Variants in KIF26B observed in about 807,000 individuals in gnomAD.
The protein encoded by KIF26B is kinesin family member 26B.
A neutral mutation model predicts 151.2 loss-of-function variants in KIF26B; 63 were observed. That is an observed-to-expected ratio of 0.42 (90% confidence interval 0.34 to 0.51). KIF26B has a LOEUF of 0.51. Ranked by LOEUF, KIF26B falls within the 20% of genes least tolerant of loss-of-function variation. KIF26B has a pLI of 0.07. For missense variants in KIF26B, 2,813 were observed against 2,913.6 expected, an observed-to-expected ratio of 0.97 and a Z score of 0.79; for synonymous variants, 1,357 against 1,262.1, an observed-to-expected ratio of 1.08 and a Z score of -1.59.
chr1:245,155,656 C>T (rs1463173467), intron 1 of KIF26B, among the ~76,000 whole-genome samples, 169 bp downstream of exon 1: 1 of 152,176 alleles, frequency 6.6e-6, no homozygotes, highest in East Asian at 1.9e-4. Context: ...CGCGGGGACG[C>T]CCGCACGCTC....
intron 2 of KIF26B, among the ~76,000 whole-genome samples, chr1:245,275,231 C>T (rs1057320480): frequency 6.6e-6 from 1 of 151,636 alleles, no homozygotes; most frequent in Non-Finnish European, 1.5e-5. Context: ...GGATATTAGT[C>T]CTTTGTCAGA....
intron 4 of KIF26B, among the ~76,000 whole-genome samples, chr1:245,484,507 T>C (rs12404741): frequency 0.068 from 10,381 of 151,814 alleles, 586 homozygotes; most frequent in Admixed American, 0.14. Flanking sequence ...ACTCCACTCG[T>C]CCATGTAGTT....
In KIF26B at chr1:245,360,658, CAA is replaced by C. The variant is rs530730993; in HGVS notation, c.466-6173_466-6172del. On this transcript the variant is annotated intron_variant, in intron 2 of 14. Coordinates refer to ENST00000407071, the MANE Select transcript of KIF26B (RefSeq NM_018012.4). Reference sequence around the variant, plus strand: ...GACTTGAACCTCCCATACCCTTAACCAAAAGTTTTCAAAATAGTCAACACTGT... The same window carrying C: ...GACTTGAACCTCCCATACCCTTAACCAAGTTTTCAAAATAGTCAACACTGT... Among the ~76,000 whole-genome samples, 449 of 152,218 alleles carry C rather than the reference CAA, an allele frequency of 2.9e-3. 1 individual carries two copies. The highest frequency in any genetic ancestry group is 9.9e-3 in the African/African-American group (412 of 41,536).
chr1:245,238,056 G>A lies in KIF26B; in HGVS notation c.465+81373G>A, dbSNP rs112325830. On this transcript the variant is annotated intron_variant, in intron 2 of 14. Coordinates refer to ENST00000407071, the MANE Select transcript of KIF26B (RefSeq NM_018012.4). ...AAAAAAAAAAGTTGTTATTTGGCCA[G>A]GCATGCTGGCTCATGCCCGTAATCC... Among the ~76,000 whole-genome samples, 1,227 of 151,414 alleles carry A rather than the reference G, an allele frequency of 8.1e-3. 18 individuals carry two copies. Among genetic ancestry groups the A allele is most frequent in the African/African-American group, 0.028 (1,151 of 41,198 alleles).
chr1:245,498,453 A>C (rs1056841657), intron 4 of KIF26B, among the ~76,000 whole-genome samples: 1 of 152,172 alleles, frequency 6.6e-6, no homozygotes, highest in Non-Finnish European at 1.5e-5. Flanking sequence ...TTATGAACAT[A>C]GCTGAAAACT....
chr1:245,157,649 G>A (rs1668469042), intron 2 of KIF26B, among the ~76,000 whole-genome samples: 1 of 152,224 alleles, frequency 6.6e-6, no homozygotes, highest in African/African-American at 2.4e-5. Context: ...CAGACGCTGT[G>A]AAACTTAAAA....
chr1:245,526,489 TTAA>T (rs1406918386), intron 4 of KIF26B, among the ~76,000 whole-genome samples: 7 of 152,214 alleles, frequency 4.6e-5, no homozygotes, highest in African/African-American at 1.7e-4. Flanking sequence ...TGAAATAACC[TTAA>T]TGATTTCTTC....
chr1:245,270,467 G>A (rs1670839430), intron 2 of KIF26B, among the ~76,000 whole-genome samples: 1 of 151,276 alleles, frequency 6.6e-6, no homozygotes, highest in Non-Finnish European at 1.5e-5. Context: ...CATCCTAACA[G>A]GCATGGGGTG....
At chr1:245,670,833 G>T (rs190294532) in intron 10 of KIF26B, among the ~76,000 whole-genome samples, 1 of 152,266 alleles carries the variant, frequency 6.6e-6, no homozygotes, top group African/African-American at 2.4e-5. Flanking sequence ...ATCCCCTCAA[G>T]CATTTATCCT....
intron 5 of KIF26B, among the ~76,000 whole-genome samples, chr1:245,541,300 C>T (rs1484768320): frequency 1.3e-5 from 2 of 152,150 alleles, no homozygotes; most frequent in Admixed American, 6.5e-5. Context: ...AGAAATGAGA[C>T]GTAATGAGGC....
At chr1:245,533,026 T>C (rs7543381) in intron 4 of KIF26B, among the ~76,000 whole-genome samples, 2,828 of 152,330 alleles carry the variant, frequency 0.019, 92 homozygotes, top group African/African-American at 0.065. Flanking sequence ...CCTCAGAACG[T>C]AGGATCTTGT....
chr1:245,527,740 A>C (rs1274806161), intron 4 of KIF26B, among the ~76,000 whole-genome samples: 1 of 151,584 alleles, frequency 6.6e-6, no homozygotes, highest in Non-Finnish European at 1.5e-5. Context: ...TCACCGCATT[A>C]GCCAGGATGG....
At chr1:245,267,601 A>C (rs1377207135) in intron 2 of KIF26B, among the ~76,000 whole-genome samples, 1 of 151,756 alleles carries the variant, frequency 6.6e-6, no homozygotes, top group Non-Finnish European at 1.5e-5. Context: ...ACAAGCAGCC[A>C]AGAACAGATA....
At chr1:245,534,541 G>C (rs1007394257) in intron 4 of KIF26B, among the ~76,000 whole-genome samples, 2 of 152,136 alleles carry the variant, frequency 1.3e-5, no homozygotes, top group Non-Finnish European at 1.5e-5. Context: ...ATAAGGCACA[G>C]ATAATTATAT....
intron 2 of KIF26B, among the ~76,000 whole-genome samples, chr1:245,217,862 T>G (rs568247336): frequency 1.3e-5 from 2 of 152,128 alleles, no homozygotes; most frequent in Non-Finnish European, 2.9e-5. Flanking sequence ...CACACCCACA[T>G]GCGCCATCCC....
Position 245,553,363 on chromosome 1 carries a change from A to C in KIF26B, c.1350+12413A>C, listed in dbSNP as rs749621971. Among the ~76,000 whole-genome samples the C allele has an allele frequency of 4.5e-4, 68 of 152,276 alleles. 1 individual carries two copies. The highest frequency in any genetic ancestry group is 3.4e-3 in the Middle Eastern group (1 of 294). ...GTCATTTTGGTTTCAGAAGAGGTAC[A>C]GTAAGCAAATGTTCCTGGCTGGCGT... On this transcript the variant is annotated intron_variant, in intron 5 of 14. Transcript: ENST00000407071.
chr1:245,369,375 T>A (rs1197832374), intron 3 of KIF26B, among the ~76,000 whole-genome samples: 1 of 152,178 alleles, frequency 6.6e-6, no homozygotes, highest in African/African-American at 2.4e-5. Flanking sequence ...ATGTGGTTGA[T>A]AAAATGCCGG....
intron 3 of KIF26B, among the ~76,000 whole-genome samples, chr1:245,412,338 G>A (rs1358548795): frequency 6.6e-6 from 1 of 152,152 alleles, no homozygotes; most frequent in East Asian, 1.9e-4. Context: ...ATTTGAGGAG[G>A]GGGAGCCTGT....
At chr1:245,620,763 T>A (rs2043650171) in intron 9 of KIF26B, among the ~76,000 whole-genome samples, 1 of 152,174 alleles carries the variant, frequency 6.6e-6, no homozygotes, top group Admixed American at 6.5e-5. Flanking sequence ...TATAAAAACA[T>A]TAACTCTCTT....
Sources: allele counts gnomAD v4.1 joint callset (sites outside exome capture counted in the v4.1 genomes callset), GRCh38; gene constraint gnomAD v4.1.1; transcripts MANE v1.5; gene names NCBI Gene and HGNC (gene_info 2026-07-23, HGNC 2026-07-21).